Variants in TENM3 observed in about 807,000 individuals in gnomAD.
TENM3 encodes teneurin transmembrane protein 3, also known as teneurin-3.
Under a neutral mutation model 255.1 loss-of-function variants are expected in TENM3, and 63 were observed. That is an observed-to-expected ratio of 0.25 (90% CI 0.20 to 0.30). The LOEUF is 0.30. Ranked by LOEUF, TENM3 falls within the 10% of genes least tolerant of loss-of-function variation. TENM3 has a pLI of 1.00. For synonymous variants in TENM3, 1,306 were observed against 1,322.3 expected (o/e 0.99, Z 0.27); for missense variants, 2,929 against 3,461.1 (o/e 0.85, Z 3.86).
At chr4:182,479,184 C>T (rs1409721894) in intron 3 of TENM3, among the ~76,000 whole-genome samples, 1 of 151,680 alleles carries the variant, frequency 6.6e-6, no homozygotes, top group Non-Finnish European at 1.5e-5. Context: ...TTTAGCTTGG[C>T]AAGTTAAAAG....
At chr4:182,382,494 C>A (rs1767640848) in intron 3 of TENM3, among the ~76,000 whole-genome samples, 1 of 152,170 alleles carries the variant, frequency 6.6e-6, no homozygotes, top group Admixed American at 6.5e-5. Context: ...AGTTGAAGGA[C>A]TTTTCCAGGA....
the TENM3 span, among the ~76,000 whole-genome samples, chr4:181,605,515 AAAG>A: frequency 4.6e-5 from 1 of 21,926 alleles, no homozygotes; most frequent in Non-Finnish European, 1.2e-4. Context: ...AGAAAGAAAG[AAAG>A]AAAGAAAGAA....
At chr4:181,500,023 G>T in the TENM3 span, among the ~76,000 whole-genome samples, 1 of 151,474 alleles carries the variant, frequency 6.6e-6, no homozygotes, top group Non-Finnish European at 1.5e-5. Flanking sequence ...AACTTTTGAT[G>T]AAACAAAATC....
chr4:182,160,204 G>A (rs7681357), intron 1 of TENM3, among the ~76,000 whole-genome samples: 4 of 150,280 alleles, frequency 2.7e-5, no homozygotes, highest in African/African-American at 2.4e-5. Flanking sequence ...GGGTTTCACC[G>A]TGTTAGCCAG....
the TENM3 span, among the ~76,000 whole-genome samples, chr4:181,698,192 T>A: frequency 6.9e-6 from 1 of 144,566 alleles, no homozygotes; most frequent in Non-Finnish European, 1.5e-5. Context: ...CCAGCCTGGG[T>A]GACAGTGTGA....
chr4:181,744,856 G>T, the TENM3 span, among the ~76,000 whole-genome samples: 1 of 152,206 alleles, frequency 6.6e-6, no homozygotes, highest in African/African-American at 2.4e-5. Flanking sequence ...ATTTACTAAG[G>T]TAAAGAAGAC....
the TENM3 span, among the ~76,000 whole-genome samples, chr4:181,972,727 TCA>T: frequency 6.6e-6 from 1 of 152,154 alleles, no homozygotes; most frequent in African/African-American, 2.4e-5. Context: ...CCATTGTAAG[TCA>T]CACAATCTTG....
intron 6 of TENM3, among the ~76,000 whole-genome samples, chr4:182,664,177 A>G (rs568110919): frequency 3.3e-5 from 5 of 152,230 alleles, no homozygotes; most frequent in African/African-American, 4.8e-5. Context: ...AAGCAAGTCT[A>G]TCGGCACCAT....
intron 3 of TENM3, among the ~76,000 whole-genome samples, chr4:182,482,821 A>G (rs1734326027): frequency 1.3e-5 from 2 of 152,160 alleles, no homozygotes; most frequent in African/African-American, 4.8e-5. Context: ...TTTGTAACAT[A>G]TCACAGTGTA....
At chr4:182,657,954 T>C (rs1156434713) in intron 6 of TENM3, among the ~76,000 whole-genome samples, 2 of 152,216 alleles carry the variant, frequency 1.3e-5, no homozygotes, top group Admixed American at 6.5e-5. Context: ...CCTCGCCCGG[T>C]GCTTCCAGCC....
In TENM3 at chr4:182,800,534, CT is replaced by C. The variant is rs1432458918; in HGVS notation, c.*186del. ...TCCGAATGACCTTAAAGGTGATCGG[CT>C]TTAACGAATATGTTTACATATGCAT... On this transcript the variant is annotated 3_prime_UTR_variant, in exon 28 of 28. Coordinates refer to ENST00000511685, the MANE Select transcript of TENM3 (RefSeq NM_001080477.4). 1 of 683,422 alleles carries C rather than the reference CT, an allele frequency of 1.5e-6. No individual in the cohort carries two copies. Among genetic ancestry groups the C allele is most frequent in the African/African-American group, 1.9e-5 (1 of 53,354 alleles). 42.3% of individuals were successfully genotyped at this position (683,422 alleles called of 1,614,324 possible). A position where few individuals can be genotyped will look rare whatever the true frequency, so the allele number is the denominator to read the frequency against.
rs898869848 is a variant in TENM3 at position 182,148,629 on chromosome 4, T to C, written c.-76+3875T>C. On this transcript the variant is annotated intron_variant, in intron 1 of 2. Coordinates refer to the TENM3 transcript ENST00000512480. ...TCAGTTTTTCAGAGATTTCTTAGAA[T>C]TTTGGATGGACCTCTTGTGCATGTG... is the stretch of plus-strand genomic sequence containing the variant. Among the ~76,000 whole-genome samples the C allele has an allele frequency of 3.3e-5, 5 of 152,084 alleles. No homozygotes were observed. The East Asian group carries it at 7.7e-4, about 23-fold the overall frequency.
chr4:182,225,868 C>A (rs1423415206), intron 1 of TENM3, among the ~76,000 whole-genome samples: 1 of 152,134 alleles, frequency 6.6e-6, no homozygotes, highest in Non-Finnish European at 1.5e-5. Flanking sequence ...AGAATTTGAT[C>A]CAATCTAGCA....
At chr4:181,478,982 T>C in the TENM3 span, among the ~76,000 whole-genome samples, 1 of 152,336 alleles carries the variant, frequency 6.6e-6, no homozygotes, top group East Asian at 1.9e-4. Context: ...TGCAAGTTTT[T>C]CTCTTCTAGA....
At position 182,792,460 on chromosome 4, in the gene TENM3, G is replaced by A. The variant is rs747414557; in HGVS notation, c.5788G>A (p.Glu1930Lys). 2.4e-5 allele frequency: 39 copies of A among 1,613,910 alleles called. No homozygotes were observed. The highest frequency in any genetic ancestry group is 4.5e-5 in the East Asian group (2 of 44,900). The change falls in exon 26 of 28, where the codon GAG becomes AAG. Residue 1930 changes from glutamate (E) to lysine (K), a missense_variant. Physicochemically the swap from Glu to Lys is moderately conservative, Grantham distance 56. Around this residue, in one of 6 missense-constraint regions of TENM3, gnomAD observed 303 missense variants for 425.2 expected, o/e 0.71. Transcript: ENST00000511685. This position sits in a 1 kb window ranked among gnomAD's most constrained non-coding sequence, Gnocchi z 6.3. ...CGCCTCCATCATCACGGACTACAAC[G>A]AGGAAGGGCTGCTTCTACAAACAGC... Reference protein sequence around the residue: ...SNASIITDYNEEGLLLQTAFL... With the variant: ...SNASIITDYNKEGLLLQTAFL...
At chr4:181,802,591 C>T in the TENM3 span, among the ~76,000 whole-genome samples, 3 of 152,210 alleles carry the variant, frequency 2.0e-5, no homozygotes, top group East Asian at 5.8e-4. Context: ...ATATATTAAC[C>T]TTTGATATAG....
At chr4:182,354,481 T>A (rs574630019) in intron 3 of TENM3, among the ~76,000 whole-genome samples, 97 of 152,340 alleles carry the variant, frequency 6.4e-4, no homozygotes, top group African/African-American at 2.3e-3. Flanking sequence ...AACCTTCGTT[T>A]ATTTGCCATT....
At chr4:181,935,073 G>A in the TENM3 span, among the ~76,000 whole-genome samples, 13 of 152,124 alleles carry the variant, frequency 8.5e-5, no homozygotes, top group Non-Finnish European at 1.8e-4. Flanking sequence ...TAGTGAATTA[G>A]GAAACTCACA....
the TENM3 span, among the ~76,000 whole-genome samples, chr4:181,489,491 A>G: frequency 2.6e-5 from 4 of 152,330 alleles, no homozygotes; most frequent in African/African-American, 9.6e-5. Context: ...TAATTTATTT[A>G]TAGCCATATT....
Sources: gnomAD v4.1 joint callset for allele counts (sites outside exome capture counted in the v4.1 genomes callset) on GRCh38, gnomAD v4.1.1 for gene constraint, gnomAD v4.1.1 regional missense constraint, Gnocchi (gnomAD v3.1) non-coding constraint, MANE v1.5 for transcripts, NCBI Gene and HGNC (gene_info 2026-07-23, HGNC 2026-07-21) for gene names.